The following TMED7 variants were observed in gnomAD, a reference collection of about 807,000 sequenced individuals.
TMED7 encodes transmembrane p24 trafficking protein 7.
In TMED7, 8 loss-of-function variants were observed where a neutral mutation model predicts 23.4. The observed-to-expected ratio is 0.34, with a 90% CI of 0.20 to 0.62. TMED7 has a LOEUF of 0.62. Ranked by LOEUF, TMED7 falls within the 20% of genes least tolerant of loss-of-function variation. The pLI, the probability that TMED7 is intolerant of heterozygous loss-of-function variation, is 0.77. For missense variants in TMED7, 232 were observed against 279.1 expected, an observed-to-expected ratio of 0.83 and a Z score of 1.20; for synonymous variants, 121 against 108.5, an observed-to-expected ratio of 1.12 and a Z score of -0.72.
chr5:115,618,713 A>G (rs940698605), intron 2 of TMED7, among the ~76,000 whole-genome samples: 3 of 152,188 alleles, frequency 2.0e-5, no homozygotes, highest in African/African-American at 7.2e-5. Flanking sequence ...GATAAGGCAC[A>G]TAATGTCTAG....
In TMED7 at chr5:115,616,038, T is replaced by C; in HGVS notation, c.*171A>G. ...TCCAAAGTTTTTCCACCTTTACAAA[T>C]AAAAAAAGGTGTCCTTTCCACAGTT... On this transcript the variant is annotated 3_prime_UTR_variant, in exon 3 of 3. Transcript: ENST00000456936. 1.5e-6 allele frequency: 1 copy of C among 682,876 alleles called. No individual in the cohort carries two copies. The highest frequency in any genetic ancestry group is 2.7e-5 in the East Asian group (1 of 36,620). 42.3% of individuals were successfully genotyped at this position (682,876 alleles called of 1,614,324 possible). A position where few individuals can be genotyped will look rare whatever the true frequency, so the allele number is the denominator to read the frequency against.
chr5:115,619,723 C>G, intron 2 of TMED7, among the ~76,000 whole-genome samples: 1 of 152,070 alleles, frequency 6.6e-6, no homozygotes, highest in East Asian at 1.9e-4. Flanking sequence ...TCAGATGTAA[C>G]AATCTTCCAC....
rs889901953 is a variant in TMED7 at position 115,619,758 on chromosome 5, A to G, written c.438+677T>C. Among the ~76,000 whole-genome samples the G allele has an allele frequency of 5.3e-5, 8 of 152,154 alleles. No homozygotes were observed. In the South Asian group the frequency reaches 1.7e-3, roughly 31 times the overall value. ...CTTGTGTCATCAGGTTGGAGCTAAA[A>G]AAAAGTTTTGGATTTTGAAGCATTT... On this transcript the variant is annotated intron_variant, in intron 2 of 2. Transcript: ENST00000456936.
At chr5:115,622,646 A>T (rs1481126082) in intron 1 of TMED7, among the ~76,000 whole-genome samples, 4 of 151,980 alleles carry the variant, frequency 2.6e-5, no homozygotes, top group Admixed American at 2.6e-4. Context: ...GTCTCCTGGG[A>T]AGAAGGGGTG....
chr5:115,620,793 T>A lies in TMED7; in HGVS notation c.193-113A>T, dbSNP rs562661180. ...GGTGATGGGCAAAGGACTTTTACTA[T>A]CTTTTTAAATTTTCACCAGTGGATG... On this transcript the variant is annotated intron_variant, in intron 1 of 2. Transcript: ENST00000456936. The A allele has an allele frequency of 2.8e-5, 35 of 1,228,114 alleles. No individual in the cohort carries two copies. In the South Asian group the frequency reaches 1.1e-3, roughly 37 times the overall value. 76.1% of individuals were successfully genotyped at this position (1,228,114 alleles called of 1,614,324 possible).
Position 115,620,517 on chromosome 5 carries a change from T to C in TMED7, c.356A>G (p.His119Arg), listed in dbSNP as rs1222123861. ...CFSNEFSTFT[H>R]KTVYFDFQVG... ...TTGAAAATCAAAATATACAGTTTTA[T>C]GTGTGAAAGTAGAAAATTCATTGCT... Residue 119 changes from histidine to arginine, a missense_variant, in exon 2 of 3, where the codon CAT becomes CGT. His to Arg is a conservative substitution (Grantham distance 29, BLOSUM62 0). Transcript: ENST00000456936. The C allele has an allele frequency of 1.2e-6, 2 of 1,604,900 alleles. No individual in the cohort carries two copies. Among genetic ancestry groups the C allele is most frequent in the Non-Finnish European group, 1.7e-6 (2 of 1,176,542 alleles).
intron 2 of TMED7, 156 bp from the exon 3 acceptor site, chr5:115,616,601 A>G (rs779131449): frequency 2.5e-5 from 28 of 1,106,306 alleles, no homozygotes; most frequent in Non-Finnish European, 3.5e-5. Context: ...TGTCTTTGCA[A>G]TGAAACCCCC....
At chr5:115,624,120 G>C (rs1757124301) in intron 1 of TMED7, among the ~76,000 whole-genome samples, 1 of 152,118 alleles carries the variant, frequency 6.6e-6, no homozygotes, top group South Asian at 2.1e-4. Flanking sequence ...AGTATCCTTA[G>C]CACTAATCAC....
At chr5:115,617,876 T>A (rs1756845444) in intron 2 of TMED7, among the ~76,000 whole-genome samples, 1 of 152,122 alleles carries the variant, frequency 6.6e-6, no homozygotes, top group African/African-American at 2.4e-5. Flanking sequence ...TCACTGCAAC[T>A]TCCACCTCCT....
intron 2 of TMED7, 166 bp from the exon 3 acceptor site, chr5:115,616,611 C>A: frequency 9.8e-7 from 1 of 1,021,776 alleles, no homozygotes; most frequent in Non-Finnish European, 1.4e-6. Context: ...ATGAAACCCC[C>A]CTGCTCATTT....
chr5:115,622,331 G>A (rs1757059428), intron 1 of TMED7, among the ~76,000 whole-genome samples: 1 of 152,074 alleles, frequency 6.6e-6, no homozygotes, highest in African/African-American at 2.4e-5. Flanking sequence ...CAAACTAACT[G>A]TCCCTATCTA....
At position 115,625,944 on chromosome 5, in the gene TMED7, G is replaced by T; in HGVS notation, c.-152C>A. Reference sequence around the variant, plus strand: ...CCTGTGGGAGATTCGGGATCAGAGCGACCCTCCGGCTTCCTGTGAGGGGCG... The same window carrying T: ...CCTGTGGGAGATTCGGGATCAGAGCTACCCTCCGGCTTCCTGTGAGGGGCG... On this transcript the variant is annotated 5_prime_UTR_variant, in exon 1 of 3. Coordinates refer to ENST00000456936, the MANE Select transcript of TMED7 (RefSeq NM_181836.6). 8.9e-7 allele frequency: 1 copy of T among 1,121,938 alleles called. No homozygotes were observed. 69.5% of individuals were successfully genotyped at this position (1,121,938 alleles called of 1,614,324 possible). A position where few individuals can be genotyped will look rare whatever the true frequency, so the allele number is the denominator to read the frequency against.
At chr5:115,622,198 C>T (rs73260567) in intron 1 of TMED7, among the ~76,000 whole-genome samples, 1 of 152,008 alleles carries the variant, frequency 6.6e-6, no homozygotes, top group Non-Finnish European at 1.5e-5. Context: ...ACATACAAAC[C>T]GAATAGCACC....
At chr5:115,618,369 A>G (rs1756876275) in intron 2 of TMED7, among the ~76,000 whole-genome samples, 1 of 152,252 alleles carries the variant, frequency 6.6e-6, no homozygotes, top group Admixed American at 6.5e-5. Flanking sequence ...AGTTCCTTAA[A>G]GTCAGGAAAT....
intron 1 of TMED7, among the ~76,000 whole-genome samples, chr5:115,622,302 T>C (rs1356617339): frequency 6.6e-6 from 1 of 152,164 alleles, no homozygotes; most frequent in African/African-American, 2.4e-5. Context: ...TCACCTACTA[T>C]TGAAACTGAG....
intron 1 of TMED7, among the ~76,000 whole-genome samples, chr5:115,623,238 G>C (rs1757095659): frequency 6.6e-6 from 1 of 152,162 alleles, no homozygotes. Context: ...TCTCAGATCT[G>C]GAACCACCCA....
intron 2 of TMED7, among the ~76,000 whole-genome samples, chr5:115,619,498 A>G (rs954130749): frequency 1.3e-5 from 2 of 152,164 alleles, no homozygotes; most frequent in Admixed American, 6.5e-5. Flanking sequence ...ATCTAAGCCC[A>G]TACAGGTTGA....
chr5:115,620,509 C>A lies in TMED7; in HGVS notation c.364G>T (p.Val122Leu). 6.3e-7 allele frequency: 1 copy of A among 1,599,328 alleles called. No individual in the cohort carries two copies. ...TCTCCAACTTGAAAATCAAAATATA[C>A]AGTTTTATGTGTGAAAGTAGAAAAT... ...NEFSTFTHKT[V>L]YFDFQVGEDP... The change falls in exon 2 of 3, where the codon GTA becomes TTA. Residue 122 changes from valine (V) to leucine (L), a missense_variant. Physicochemically the swap from Val to Leu is conservative, Grantham distance 32 (BLOSUM62 1). Coordinates refer to ENST00000456936, the MANE Select transcript of TMED7 (RefSeq NM_181836.6).
rs1756654373 is a variant in TMED7 at position 115,615,092 on chromosome 5, ATTT to A, written c.*1114_*1116del. 3 of 152,202 alleles carry A rather than the reference ATTT, an allele frequency of 2.0e-5. No homozygotes were observed. Among genetic ancestry groups the A allele is most frequent in the Admixed American group, 2.0e-4 (3 of 15,272 alleles). The allele number at this position is 152,202 out of a possible 1,614,324, so 9.4% of individuals were successfully genotyped here. A position where few individuals can be genotyped will look rare whatever the true frequency, so the allele number is the denominator to read the frequency against. On this transcript the variant is annotated 3_prime_UTR_variant, in exon 3 of 3. Transcript: ENST00000456936. ...CCCTATAGTCTACAGAATATGCACT[ATTT>A]AATACTCATTAACTAAAGAAAAGTC...
Sources: allele counts gnomAD v4.1 joint callset (sites outside exome capture counted in the v4.1 genomes callset), GRCh38; gene constraint gnomAD v4.1.1; transcripts MANE v1.5; gene names NCBI Gene and HGNC (gene_info 2026-07-23, HGNC 2026-07-21).